Variants in KCNC2 observed in about 807,000 individuals in gnomAD.
KCNC2 encodes potassium voltage-gated channel subfamily C member 2, also known as voltage-gated potassium channel KCNC2.
KCNC2 carries 21 observed loss-of-function variants against 44.5 expected under a neutral mutation model. The observed-to-expected ratio is 0.47, with a 90% CI of 0.33 to 0.68. The LOEUF (loss-of-function observed/expected upper bound fraction) is 0.68, where lower values mean the gene tolerates loss of function less well. Ranked by LOEUF, KCNC2 falls within the 30% of genes least tolerant of loss-of-function variation. The probability of loss-of-function intolerance (pLI) is 0.01; values close to 1 mark genes in which losing one functional copy is unlikely to be tolerated. For missense variants in KCNC2, 589 were observed against 826.2 expected, an observed-to-expected ratio of 0.71 and a Z score of 3.52; for synonymous variants, 391 against 339.1, an observed-to-expected ratio of 1.15 and a Z score of -1.68.
intron 2 of KCNC2, among the ~76,000 whole-genome samples, chr12:75,172,130 C>T (rs918756970): frequency 2.0e-5 from 3 of 151,774 alleles, no homozygotes; most frequent in Non-Finnish European, 2.9e-5. Flanking sequence ...ATCTACATAG[C>T]TCATACATAA....
intron 2 of KCNC2, among the ~76,000 whole-genome samples, chr12:75,205,068 C>G (rs1000369580): frequency 1.3e-5 from 2 of 152,024 alleles, no homozygotes; most frequent in African/African-American, 4.8e-5. Context: ...CAGTTAGGAC[C>G]CTAGTGAATG....
At chr12:75,188,034 G>A (rs183624604) in intron 2 of KCNC2, among the ~76,000 whole-genome samples, 1 of 152,186 alleles carries the variant, frequency 6.6e-6, no homozygotes, top group Admixed American at 6.5e-5. Context: ...GAAATAGAAG[G>A]TAATTTGAAG....
intron 2 of KCNC2, among the ~76,000 whole-genome samples, chr12:75,154,916 T>G (rs752575895): frequency 1.3e-5 from 2 of 152,014 alleles, no homozygotes; most frequent in Non-Finnish European, 2.9e-5. Context: ...TTTGAAAAAC[T>G]AATTTTTTTT....
chr12:75,151,063 C>T (rs1426161992), intron 2 of KCNC2, among the ~76,000 whole-genome samples: 2 of 151,838 alleles, frequency 1.3e-5, no homozygotes, highest in Non-Finnish European at 2.9e-5. Flanking sequence ...TGCCTGAAGT[C>T]AAAAGATTTT....
intron 2 of KCNC2, among the ~76,000 whole-genome samples, chr12:75,185,615 CA>C (rs1565674966): frequency 1.3e-5 from 2 of 151,696 alleles, no homozygotes; most frequent in South Asian, 2.1e-4. Context: ...AACCATAATC[CA>C]AAAAAATTTT....
At chr12:75,132,559 C>G (rs367905457) in intron 2 of KCNC2, among the ~76,000 whole-genome samples, 15 of 152,072 alleles carry the variant, frequency 9.9e-5, no homozygotes, top group African/African-American at 3.4e-4. Flanking sequence ...GGCAAGGACA[C>G]ATGTTAAGGT....
intron 2 of KCNC2, among the ~76,000 whole-genome samples, chr12:75,134,663 C>A (rs1478870289): frequency 6.6e-6 from 1 of 151,678 alleles, no homozygotes; most frequent in Non-Finnish European, 1.5e-5. Context: ...CTGCAAGCCT[C>A]TAAGATAAAA....
intron 2 of KCNC2, among the ~76,000 whole-genome samples, chr12:75,182,532 A>C (rs1293074466): frequency 2.0e-3 from 272 of 134,980 alleles, no homozygotes; most frequent in African/African-American, 6.5e-3. Flanking sequence ...AAAAAAAAAA[A>C]AAAAACAAAA....
chr12:75,190,506 T>C (rs1305846618), intron 2 of KCNC2, among the ~76,000 whole-genome samples: 1 of 152,188 alleles, frequency 6.6e-6, no homozygotes, highest in Non-Finnish European at 1.5e-5. Context: ...AGCATAGAAA[T>C]GTTTCTATCC....
At chr12:75,076,791 T>C (rs1438805637) in intron 2 of KCNC2, among the ~76,000 whole-genome samples, 1 of 152,180 alleles carries the variant, frequency 6.6e-6, no homozygotes. Context: ...AGTATCTTGG[T>C]TTTCAGTTAA....
chr12:75,041,483 T>A lies in KCNC2; in HGVS notation c.*1622A>T. On this transcript the variant is annotated 3_prime_UTR_variant, in exon 5 of 5. Coordinates refer to ENST00000549446, the MANE Select transcript of KCNC2 (RefSeq NM_139137.4). ...AATAAACATGAGAAATAGGAATTAA[T>A]CAGCAGTCTCAAGGCTCCCAAATGC... is the stretch of plus-strand genomic sequence containing the variant. 4 of 1,211,136 alleles carry A rather than the reference T, an allele frequency of 3.3e-6. No individual in the cohort carries two copies. The highest frequency in any genetic ancestry group is 3.1e-6 in the Non-Finnish European group (3 of 962,876). 75.0% of individuals were successfully genotyped at this position (1,211,136 alleles called of 1,614,324 possible).
At chr12:75,140,232 A>G (rs1016055156) in intron 2 of KCNC2, 7 of 152,156 alleles carry the variant, frequency 4.6e-5, no homozygotes, top group Non-Finnish European at 7.3e-5. Flanking sequence ...CACATCATGT[A>G]AGAATCTATC....
chr12:75,128,106 A>G (rs1370864449), intron 2 of KCNC2, among the ~76,000 whole-genome samples: 1 of 152,160 alleles, frequency 6.6e-6, no homozygotes, highest in Non-Finnish European at 1.5e-5. Flanking sequence ...ATGGCCCACA[A>G]TGGAAATCTA....
intron 2 of KCNC2, among the ~76,000 whole-genome samples, chr12:75,172,348 G>A (rs1891885724): frequency 6.6e-6 from 1 of 151,808 alleles, no homozygotes; most frequent in African/African-American, 2.4e-5. Context: ...AGAAGGGAGA[G>A]CATCAGGAAG....
chr12:75,160,062 T>C (rs2137518811), intron 2 of KCNC2, among the ~76,000 whole-genome samples: 1 of 152,018 alleles, frequency 6.6e-6, no homozygotes, highest in East Asian at 1.9e-4. Context: ...AATCCATTTG[T>C]TGAAGGCCTA....
At position 75,209,305 on chromosome 12, in the gene KCNC2, C is replaced by G. The variant is rs2137839815; in HGVS notation, c.-118G>C. 1 of 152,346 alleles carries G rather than the reference C, an allele frequency of 6.6e-6. No homozygotes were observed. The highest frequency in any genetic ancestry group is 1.9e-4 in the East Asian group (1 of 5,162). The allele number at this position is 152,346 out of a possible 1,614,324, so 9.4% of individuals were successfully genotyped here. ...AGTCTTGGCGCCCAGGTGAGCCGCC[C>G]TTCTCCGACGAGAAACTACTTGTTG... On this transcript the variant is annotated 5_prime_UTR_variant, in exon 1 of 5. Coordinates refer to ENST00000549446, the MANE Select transcript of KCNC2 (RefSeq NM_139137.4).
intron 2 of KCNC2, among the ~76,000 whole-genome samples, chr12:75,196,399 A>C (rs554126968): frequency 2.1e-4 from 32 of 152,238 alleles, no homozygotes; most frequent in African/African-American, 7.7e-4. Flanking sequence ...AAACACCAGA[A>C]AGGCTTCTTA....
chr12:75,056,817 C>T (rs923743474), intron 2 of KCNC2, among the ~76,000 whole-genome samples: 1 of 151,976 alleles, frequency 6.6e-6, no homozygotes, highest in Admixed American at 6.6e-5. Context: ...CATGTACTTA[C>T]ATGGAATGGT....
chr12:75,161,565 C>T (rs901288149), intron 2 of KCNC2, among the ~76,000 whole-genome samples: 5 of 151,666 alleles, frequency 3.3e-5, no homozygotes, highest in Admixed American at 2.0e-4. Context: ...AACTTTATTG[C>T]CATCTTCTCC....
Sources: gnomAD v4.1 joint callset for allele counts (sites outside exome capture counted in the v4.1 genomes callset) on GRCh38, gnomAD v4.1.1 for gene constraint, MANE v1.5 for transcripts, NCBI Gene and HGNC (gene_info 2026-07-23, HGNC 2026-07-21) for gene names.